Variants in TMEM38B observed in about 807,000 individuals in gnomAD.
TMEM38B encodes the protein transmembrane protein 38B.
In TMEM38B, 24 loss-of-function variants were observed where a neutral mutation model predicts 28.7. The observed-to-expected ratio is 0.84, with a 90% CI of 0.61 to 1.18. The LOEUF (loss-of-function observed/expected upper bound fraction) is 1.18. Ranked by LOEUF, TMEM38B falls within the 50% of genes most tolerant of loss-of-function variation. The pLI is 0.00. For synonymous variants in TMEM38B, 131 were observed against 127.7 expected, an observed-to-expected ratio of 1.03 and a Z score of -0.17; for missense variants, 380 against 350.9, an observed-to-expected ratio of 1.08 and a Z score of -0.66.
At chr9:105,715,571 A>T (rs1036334176) in intron 2 of TMEM38B, among the ~76,000 whole-genome samples, 1 of 152,080 alleles carries the variant, frequency 6.6e-6, no homozygotes, top group Non-Finnish European at 1.5e-5. Flanking sequence ...TTAAAAATCT[A>T]TATTTCTAAA....
intron 4 of TMEM38B, among the ~76,000 whole-genome samples, chr9:105,738,848 G>A (rs1488969991): frequency 1.3e-5 from 2 of 151,358 alleles, no homozygotes; most frequent in Non-Finnish European, 2.9e-5. Context: ...CTCCTGAGTA[G>A]CTGGGACTAC....
chr9:105,740,648 G>T (rs1372011109), intron 4 of TMEM38B, among the ~76,000 whole-genome samples: 5 of 152,088 alleles, frequency 3.3e-5, no homozygotes, highest in African/African-American at 1.2e-4. Context: ...TTCATTTAAT[G>T]AAAAAATCTA....
chr9:105,714,479 A>T (rs1434443547), intron 2 of TMEM38B, among the ~76,000 whole-genome samples: 1 of 152,198 alleles, frequency 6.6e-6, no homozygotes, highest in Non-Finnish European at 1.5e-5. Flanking sequence ...CTATTTGGAA[A>T]CCAGCTATAC....
rs1826665190 is a variant in TMEM38B at position 105,774,490 on chromosome 9, ACATTAT to A, written c.*416_*421del. The A allele has an allele frequency of 6.5e-6, 1 of 153,166 alleles. No homozygotes were observed. The highest frequency in any genetic ancestry group is 6.5e-5 in the Admixed American group (1 of 15,292). The allele number at this position is 153,166 out of a possible 1,614,324, so 9.5% of individuals were successfully genotyped here. ...TTCAGCAGAATTAAATTTTTACTTGACATTATCATTAAAATTGCTAGGTATGGAGAA... is the reference window on the plus strand; with the variant it reads ...TTCAGCAGAATTAAATTTTTACTTGACATTAAAATTGCTAGGTATGGAGAA... On this transcript the variant is annotated 3_prime_UTR_variant, in exon 6 of 6. Coordinates refer to ENST00000374692, the MANE Select transcript of TMEM38B (RefSeq NM_018112.3).
intron 4 of TMEM38B, among the ~76,000 whole-genome samples, chr9:105,724,311 T>A (rs1836429735): frequency 6.6e-6 from 1 of 152,076 alleles, no homozygotes; most frequent in Admixed American, 6.6e-5. Context: ...TAATTTAAAT[T>A]GGATTAAAAA....
At chr9:105,698,778 G>A (rs570797501) in intron 1 of TMEM38B, among the ~76,000 whole-genome samples, 1 of 152,038 alleles carries the variant, frequency 6.6e-6, no homozygotes, top group Non-Finnish European at 1.5e-5. Flanking sequence ...GCTTGGAATG[G>A]TTTATTTAAT....
intron 4 of TMEM38B, among the ~76,000 whole-genome samples, chr9:105,737,940 G>A (rs1837046722): frequency 6.6e-6 from 1 of 152,174 alleles, no homozygotes; most frequent in South Asian, 2.1e-4. Flanking sequence ...ATAGCAGCTT[G>A]ACCCCAAGGG....
rs556293150 is a variant in TMEM38B, at chr9:105,742,150, C to T, written c.543-5923C>T. On this transcript the variant is annotated intron_variant, in intron 4 of 5. Transcript: ENST00000374692. ...AGAAGGCTGTCAGACTTTTAAAATT[C>T]TGCATGCCAGAATCAGGCTGATAAA... Among the ~76,000 whole-genome samples the T allele has an allele frequency of 4.6e-5, 7 of 152,316 alleles. No individual in the cohort carries two copies. The South Asian group carries it at 1.5e-3, about 32-fold the overall frequency.
At chr9:105,703,749 G>A (rs1835539762) in intron 1 of TMEM38B, among the ~76,000 whole-genome samples, 1 of 151,980 alleles carries the variant, frequency 6.6e-6, no homozygotes, top group Admixed American at 6.5e-5. Flanking sequence ...TCTAAGTGGT[G>A]TGAGATGGTA....
chr9:105,729,149 T>C lies in TMEM38B; in HGVS notation c.542+6528T>C, dbSNP rs552696669. The stretch of plus-strand genomic sequence containing the variant: ...CTTTTGGTGTTTTAGTCATGAAGTC[T>C]TTGCCCATGCCTATGTCCTGAATGG... On this transcript the variant is annotated intron_variant, in intron 4 of 5. Coordinates refer to ENST00000374692, the MANE Select transcript of TMEM38B (RefSeq NM_018112.3). Among the ~76,000 whole-genome samples the C allele has an allele frequency of 7.9e-5, 12 of 152,308 alleles. No individual in the cohort carries two copies. In the South Asian group the frequency reaches 1.4e-3, roughly 18 times the overall value.
intron 4 of TMEM38B, among the ~76,000 whole-genome samples, chr9:105,745,312 A>T (rs1317894884): frequency 1.3e-5 from 2 of 152,082 alleles, no homozygotes; most frequent in African/African-American, 2.4e-5. Flanking sequence ...CATTGTGGTT[A>T]TGATTTGCAT....
intron 4 of TMEM38B, among the ~76,000 whole-genome samples, chr9:105,737,656 G>C (rs1432183629): frequency 6.6e-6 from 1 of 152,140 alleles, no homozygotes; most frequent in African/African-American, 2.4e-5. Context: ...AGACAGGGTG[G>C]TTCAGCTCAA....
rs79309572 is a variant in TMEM38B, at chr9:105,706,464, G to A, written c.269+711G>A. Among the ~76,000 whole-genome samples the A allele has an allele frequency of 2.1e-3, 315 of 152,342 alleles. 8 individuals are homozygous for A. In the East Asian group the frequency reaches 0.051, roughly 25 times the overall value. On this transcript the variant is annotated intron_variant, in intron 2 of 5. Coordinates refer to ENST00000374692, the MANE Select transcript of TMEM38B (RefSeq NM_018112.3). ...GGCTCAGTGGATTTACCTCCAAAAAGCTGGGCCTTGAATAAAGACAGAGCG... is the reference window on the plus strand; with the variant it reads ...GGCTCAGTGGATTTACCTCCAAAAAACTGGGCCTTGAATAAAGACAGAGCG...
At chr9:105,767,268 G>C (rs1826406728) in intron 5 of TMEM38B, among the ~76,000 whole-genome samples, 1 of 151,836 alleles carries the variant, frequency 6.6e-6, no homozygotes, top group Non-Finnish European at 1.5e-5. Context: ...ACCTATGTGG[G>C]TCTATTTCTA....
intron 5 of TMEM38B, among the ~76,000 whole-genome samples, chr9:105,752,015 A>G (rs994001542): frequency 1.3e-4 from 20 of 152,076 alleles, no homozygotes; most frequent in Admixed American, 1.2e-3. Context: ...GGAGAATACA[A>G]ATGTTACAGA....
chr9:105,702,846 A>G (rs1193167709), intron 1 of TMEM38B: 2 of 151,920 alleles, frequency 1.3e-5, no homozygotes, highest in Non-Finnish European at 2.9e-5. Context: ...AGCCTGGCTA[A>G]TTTTTTATAT....
chr9:105,770,402 A>G (rs1826505988), intron 5 of TMEM38B, among the ~76,000 whole-genome samples: 1 of 152,134 alleles, frequency 6.6e-6, no homozygotes, highest in Admixed American at 6.6e-5. Flanking sequence ...ATGCTCTTTC[A>G]CAGGTTTATT....
At chr9:105,736,933 A>G (rs376781300) in intron 4 of TMEM38B, among the ~76,000 whole-genome samples, 17 of 152,320 alleles carry the variant, frequency 1.1e-4, no homozygotes, top group African/African-American at 4.1e-4. Flanking sequence ...CAGTACTGGC[A>G]GCATGAGTTG....
chr9:105,772,658 A>T (rs1471277922), intron 5 of TMEM38B, among the ~76,000 whole-genome samples: 1 of 151,974 alleles, frequency 6.6e-6, no homozygotes, highest in African/African-American at 2.4e-5. Context: ...GCATGTATTT[A>T]AAAAAATTTT....
Sources: gnomAD v4.1 joint callset for allele counts (sites outside exome capture counted in the v4.1 genomes callset) on GRCh38, gnomAD v4.1.1 for gene constraint, MANE v1.5 for transcripts, NCBI Gene and HGNC (gene_info 2026-07-23, HGNC 2026-07-21) for gene names.